BNC2: variants seen among roughly 807,000 people sequenced by gnomAD.
BNC2 encodes the protein basonuclin zinc finger protein 2, also known as zinc finger protein basonuclin-2.
A neutral mutation model predicts 76.3 loss-of-function variants in BNC2; 20 were observed. The observed-to-expected ratio is 0.26, with a 90% CI of 0.18 to 0.38. BNC2 has a LOEUF of 0.38. Among genes scored for constraint, BNC2 ranks in the 10% least tolerant of loss-of-function variants. The probability of loss-of-function intolerance (pLI) is 1.00; values close to 1 mark genes in which losing one functional copy is unlikely to be tolerated. For missense variants in BNC2, 1,382 were observed against 1,399.8 expected, an observed-to-expected ratio of 0.99 and a Z score of 0.20; for synonymous variants, 582 against 514.8, an observed-to-expected ratio of 1.13 and a Z score of -1.77.
intron 5 of BNC2, among the ~76,000 whole-genome samples, chr9:16,438,836 G>A (rs147147960): frequency 7.2e-5 from 11 of 152,014 alleles, no homozygotes; most frequent in Non-Finnish European, 1.0e-4. Context: ...ATCATGTTCC[G>A]CTTGTTAGGA....
At chr9:16,818,471 C>A (rs749380742) in intron 1 of BNC2, among the ~76,000 whole-genome samples, 1 of 152,092 alleles carries the variant, frequency 6.6e-6, no homozygotes, top group Non-Finnish European at 1.5e-5. Context: ...AAAGAGAATA[C>A]CAAAATGGAA....
intron 1 of BNC2, among the ~76,000 whole-genome samples, chr9:16,844,998 C>T (rs1818931917): frequency 1.3e-5 from 2 of 152,148 alleles, no homozygotes; most frequent in South Asian, 4.1e-4. Context: ...TTTCCAAACA[C>T]TGTGTAGGTA....
At chr9:16,518,228 G>C (rs1390671723) in intron 5 of BNC2, among the ~76,000 whole-genome samples, 3 of 152,122 alleles carry the variant, frequency 2.0e-5, no homozygotes, top group African/African-American at 7.2e-5. Context: ...AGGAGTTCAA[G>C]ACCAGCCTGG....
At chr9:16,736,095 A>G (rs545289670) in intron 2 of BNC2, among the ~76,000 whole-genome samples, 2 of 151,648 alleles carry the variant, frequency 1.3e-5, no homozygotes, top group Admixed American at 6.6e-5. Flanking sequence ...TTAGCCGGGC[A>G]TGGTGGCGCA....
At position 16,506,716 on chromosome 9, in the gene BNC2, G is replaced by C. The variant is rs576404762; in HGVS notation, c.669+45814C>G. 4.0e-4 allele frequency among the ~76,000 whole-genome samples: 59 copies of C among 147,634 alleles called. 1 individual carries two copies. In the South Asian group the frequency reaches 0.013, roughly 32 times the overall value. On this transcript the variant is annotated intron_variant, in intron 5 of 6. Transcript: ENST00000380672. ...AATTTTTGTATTTTTAGTTGAGACG[G>C]GGTTTCACCATGTTGGCCAGGCTGT...
chr9:16,772,574 G>GA (rs201578723), intron 1 of BNC2, among the ~76,000 whole-genome samples: 124 of 151,464 alleles, frequency 8.2e-4, no homozygotes, highest in African/African-American at 2.7e-3. Flanking sequence ...AAAACCTAGG[G>GA]AAAAAAAACC....
chr9:16,596,944 G>T (rs1253767700), intron 3 of BNC2, among the ~76,000 whole-genome samples: 1 of 152,116 alleles, frequency 6.6e-6, no homozygotes, highest in African/African-American at 2.4e-5. Flanking sequence ...TAACAAGAAA[G>T]AATTCCTTTA....
chr9:16,531,000 C>A, intron 5 of BNC2, among the ~76,000 whole-genome samples: 1 of 152,078 alleles, frequency 6.6e-6, no homozygotes, highest in Middle Eastern at 3.2e-3. Context: ...AACTTGCCAC[C>A]CACCTCCCAT....
At chr9:16,533,435 G>C (rs548607126) in intron 5 of BNC2, among the ~76,000 whole-genome samples, 2 of 152,004 alleles carry the variant, frequency 1.3e-5, no homozygotes, top group South Asian at 4.2e-4. Context: ...TACAAATAAG[G>C]AATAAAGCAT....
At chr9:16,817,354 A>G (rs1818210748) in intron 1 of BNC2, among the ~76,000 whole-genome samples, 1 of 152,154 alleles carries the variant, frequency 6.6e-6, no homozygotes, top group African/African-American at 2.4e-5. Context: ...TGTAAAATCT[A>G]AAGGTGATAA....
intron 2 of BNC2, among the ~76,000 whole-genome samples, chr9:16,728,769 A>C (rs1281433839): frequency 1.3e-5 from 2 of 152,020 alleles, no homozygotes; most frequent in Non-Finnish European, 2.9e-5. Context: ...CACAATAAAC[A>C]TTTGCCAAAT....
chr9:16,557,029 G>A (rs1818855566), intron 4 of BNC2, among the ~76,000 whole-genome samples: 1 of 152,136 alleles, frequency 6.6e-6, no homozygotes, highest in Non-Finnish European at 1.5e-5. Context: ...ATCTGACTGT[G>A]GAGGAGTCAG....
intron 4 of BNC2, among the ~76,000 whole-genome samples, chr9:16,554,512 G>C (rs1818761904): frequency 1.3e-5 from 2 of 152,220 alleles, no homozygotes; most frequent in South Asian, 2.1e-4. Flanking sequence ...CTATTCTAGT[G>C]GTTAAGTCAA....
In BNC2 at chr9:16,409,754, C is replaced by T. The variant is rs1049323777; in HGVS notation, c.*9235G>A. The T allele has an allele frequency of 1.2e-4, 18 of 152,506 alleles. No individual in the cohort carries two copies. Among genetic ancestry groups the T allele is most frequent in the Admixed American group, 2.6e-4 (4 of 15,274 alleles). The allele number at this position is 152,506 out of a possible 1,614,324, so 9.4% of individuals were successfully genotyped here. On this transcript the variant is annotated 3_prime_UTR_variant, in exon 7 of 7. Coordinates refer to ENST00000380672, the MANE Select transcript of BNC2 (RefSeq NM_017637.6). ...AACAGAACAAAACAAAAATAAAACC[C>T]TTGTTCAAGGTACATACAGTATTTA...
chr9:16,708,069 G>C (rs1461579152), intron 3 of BNC2, among the ~76,000 whole-genome samples: 2 of 152,176 alleles, frequency 1.3e-5, no homozygotes, highest in East Asian at 3.9e-4. Context: ...GTACAAATAA[G>C]TGGAATCAGA....
chr9:16,546,468 A>G (rs943392750), intron 5 of BNC2, among the ~76,000 whole-genome samples: 2 of 152,226 alleles, frequency 1.3e-5, no homozygotes, highest in Non-Finnish European at 2.9e-5. Flanking sequence ...CTAACTAGGT[A>G]CAAAACCTTT....
At chr9:16,536,145 C>T (rs1210039137) in intron 5 of BNC2, among the ~76,000 whole-genome samples, 1 of 152,042 alleles carries the variant, frequency 6.6e-6, no homozygotes, top group Non-Finnish European at 1.5e-5. Flanking sequence ...ATGCTTTACT[C>T]ACTTTAAAAA....
At position 16,714,963 on chromosome 9, in the gene BNC2, G is replaced by C. The variant is rs1005427569; in HGVS notation, c.330+12834C>G. ...ATATAAATAATGTTTTCTTGAAGCAGGTATAAAATATTGGCCTTGCATGAA... is the reference window on the plus strand; with the variant it reads ...ATATAAATAATGTTTTCTTGAAGCACGTATAAAATATTGGCCTTGCATGAA... On this transcript the variant is annotated intron_variant, in intron 3 of 6. Coordinates refer to ENST00000380672, the MANE Select transcript of BNC2 (RefSeq NM_017637.6). Among the ~76,000 whole-genome samples the C allele has an allele frequency of 5.8e-4, 88 of 152,124 alleles. 1 individual carries two copies. Among genetic ancestry groups the C allele is most frequent in the Non-Finnish European group, 5.3e-4 (36 of 68,030 alleles).
intron 1 of BNC2, among the ~76,000 whole-genome samples, chr9:16,806,292 A>G (rs1054528536): frequency 1.3e-5 from 2 of 152,168 alleles, no homozygotes; most frequent in East Asian, 1.9e-4. Context: ...CCTGGGCAAC[A>G]TGGTGGGATC....
Sources: allele counts gnomAD v4.1 joint callset (sites outside exome capture counted in the v4.1 genomes callset), GRCh38; gene constraint gnomAD v4.1.1; transcripts MANE v1.5; gene names NCBI Gene and HGNC (gene_info 2026-07-23, HGNC 2026-07-21).